Variants in NTN5 observed in about 807,000 individuals in gnomAD.
The protein encoded by NTN5 is netrin 5.
Under a neutral mutation model 38.7 loss-of-function variants are expected in NTN5, and 42 were observed. The ratio of observed to expected loss-of-function variants is 1.08; its 90% confidence interval spans 0.85 to 1.40. NTN5 has a LOEUF of 1.40. NTN5 is among the 40% of genes most tolerant of loss of function. The pLI is 0.00. For synonymous variants in NTN5, 329 were observed against 303.9 expected (o/e 1.08, Z -0.86); for missense variants, 658 against 716.5 (o/e 0.92, Z 0.93).
intron 2 of NTN5, among the ~76,000 whole-genome samples, chr19:48,666,944 C>T (rs1052208040): frequency 1.3e-5 from 2 of 151,896 alleles, no homozygotes; most frequent in African/African-American, 4.8e-5. Context: ...TGTTTTGACA[C>T]TAAGAGGTTT....
At chr19:48,669,676 T>C (rs1344513793) in intron 2 of NTN5, among the ~76,000 whole-genome samples, 12 of 78,026 alleles carry the variant, frequency 1.5e-4, no homozygotes, top group African/African-American at 2.3e-4. Context: ...ATCACCATCA[T>C]CACCACCATC....
chr19:48,670,480 A>G lies in NTN5; in HGVS notation c.507T>C (p.Arg169=). 1 of 1,475,020 alleles carries G rather than the reference A, an allele frequency of 6.8e-7. No individual in the cohort carries two copies. Among genetic ancestry groups the G allele is most frequent in the Non-Finnish European group, 9.0e-7 (1 of 1,113,294 alleles). The allele number at this position is 1,475,020 out of a possible 1,614,324, so 91.4% of individuals were successfully genotyped here. A position where few individuals can be genotyped will look rare whatever the true frequency, so the allele number is the denominator to read the frequency against. ...CHGHAARCAA[R]ARPPRCHCRH... ...GGCAGTGGCAGCGGGGGGGCCGGGC[A>G]CGGGCGGCACAGCGGGCAGCGTGGC... Residue 169 remains arginine (R), a synonymous_variant, in exon 2 of 7, where the codon CGT becomes CGC. Transcript: ENST00000270235.
intron 1 of NTN5, among the ~76,000 whole-genome samples, chr19:48,671,872 C>G (rs2031972232): frequency 6.8e-6 from 1 of 147,714 alleles, no homozygotes; most frequent in South Asian, 2.3e-4. Flanking sequence ...AGTGCAAAGC[C>G]CAGAGAGCTG....
intron 2 of NTN5, among the ~76,000 whole-genome samples, chr19:48,670,075 C>T (rs1223791418): frequency 1.3e-5 from 2 of 150,350 alleles, no homozygotes; most frequent in East Asian, 3.9e-4. Context: ...CCACCATCAT[C>T]ACCATTACCA....
chr19:48,663,491 G>A lies in NTN5; in HGVS notation c.1077C>T (p.Ser359=). 6.2e-7 allele frequency: 1 copy of A among 1,614,152 alleles called. No individual in the cohort carries two copies. Among genetic ancestry groups the A allele is most frequent in the South Asian group, 1.1e-5 (1 of 91,082 alleles). The change falls in exon 6 of 7, where the codon AGC becomes AGT. Residue 359 remains serine, a synonymous_variant. Transcript: ENST00000270235. The part of the protein sequence containing the change: ...CNMSDTRVHM[S]LRRYCQQDHV... ...GGTCCTGCTGGCAGTACCTCCGAAGGCTCATGTGTACCCTGGTGTCCGACA... is the reference window on the plus strand; with the variant it reads ...GGTCCTGCTGGCAGTACCTCCGAAGACTCATGTGTACCCTGGTGTCCGACA...
chr19:48,663,718 T>A (rs983386460), intron 5 of NTN5, 43 bp downstream of exon 5: 1 of 1,597,744 alleles, frequency 6.3e-7, no homozygotes, highest in Non-Finnish European at 8.6e-7. Context: ...CCCATCCTCA[T>A]TCCCACTTGC....
intron 1 of NTN5, 28 bp downstream of exon 1, chr19:48,672,904 A>G (rs575324680): frequency 8.3e-5 from 18 of 217,710 alleles, no homozygotes; most frequent in Non-Finnish European, 1.6e-4. Context: ...CCCCAACCCG[A>G]GCCCTGAGGC....
intron 2 of NTN5, among the ~76,000 whole-genome samples, chr19:48,669,772 T>C (rs1323867850): frequency 2.6e-3 from 137 of 53,030 alleles, no homozygotes; most frequent in Middle Eastern, 0.017. Context: ...ACCACTACCA[T>C]CACCATCACA....
Position 48,664,768 on chromosome 19 carries a change from C to T in NTN5, c.632-1G>A. 1 of 1,543,572 alleles carries T rather than the reference C, an allele frequency of 6.5e-7. No individual in the cohort carries two copies. On this transcript the variant is annotated splice_acceptor_variant, in intron 2 of 6. Coordinates refer to ENST00000270235, the MANE Select transcript of NTN5 (RefSeq NM_145807.4). LOFTEE classifies it high-confidence loss of function. Reference sequence around the variant, plus strand: ...CGGGCGTGCTGGTTGCAGGAGCAGGCTAGGAGCAAAATGGGGTGGGGGCGC... The same window carrying T: ...CGGGCGTGCTGGTTGCAGGAGCAGGTTAGGAGCAAAATGGGGTGGGGGCGC...
In NTN5 at chr19:48,670,884, G is replaced by A; in HGVS notation, c.103C>T (p.Gln35Ter). The change falls in exon 2 of 7, where the codon CAG becomes TAG. Residue 35 changes from glutamine to a stop codon, truncating the protein, a stop_gained. Coordinates refer to ENST00000270235, the MANE Select transcript of NTN5 (RefSeq NM_145807.4). LOFTEE classifies it high-confidence loss of function. ...CAGGAGGCCGCCACGGCAGCCAGCT[G>A]TGTCACTGGCGGGAGGCAGAATTGG... ...RPQFCLPPVT[Q>*]LAAVAASCPQ... 6.2e-7 allele frequency: 1 copy of A among 1,610,288 alleles called. No homozygotes were observed. Among genetic ancestry groups the A allele is most frequent in the Non-Finnish European group, 8.5e-7 (1 of 1,178,358 alleles).
rs965574411 is a variant in NTN5 at position 48,661,526 on chromosome 19, G to A, written c.*151C>T. The A allele has an allele frequency of 6.1e-6, 6 of 979,472 alleles. No homozygotes were observed. The highest frequency in any genetic ancestry group is 4.4e-5 in the Admixed American group (1 of 22,942). The allele number at this position is 979,472 out of a possible 1,614,324, so 60.7% of individuals were successfully genotyped here. A position where few individuals can be genotyped will look rare whatever the true frequency, so the allele number is the denominator to read the frequency against. On this transcript the variant is annotated 3_prime_UTR_variant, in exon 7 of 7. Coordinates refer to ENST00000270235, the MANE Select transcript of NTN5 (RefSeq NM_145807.4). ...CTTGCCGCCTTTTGCTAAAAGTTCCGCACGCCTGCTCGGCGTGGGCGCAAG... is the reference window on the plus strand; with the variant it reads ...CTTGCCGCCTTTTGCTAAAAGTTCCACACGCCTGCTCGGCGTGGGCGCAAG...
chr19:48,663,608 C>G, intron 5 of NTN5, 65 bp from the exon 6 acceptor site: 1 of 1,555,210 alleles, frequency 6.4e-7, no homozygotes, highest in Non-Finnish European at 8.9e-7. Context: ...CTGCCCCTGC[C>G]CATCCCTCCG....
intron 2 of NTN5, among the ~76,000 whole-genome samples, 167 bp downstream of exon 2, chr19:48,670,189 C>T (rs2031916955): frequency 6.6e-6 from 1 of 152,204 alleles, no homozygotes; most frequent in African/African-American, 2.4e-5. Flanking sequence ...GGCTGAGATA[C>T]AGGACTGGCT....
At chr19:48,669,585 C>CCACCAT (rs1568452281) in intron 2 of NTN5, among the ~76,000 whole-genome samples, 362 of 4,948 alleles carry the variant, frequency 0.073, 94 homozygotes, top group African/African-American at 0.32. Context: ...ATCACCACCA[C>CCACCAT]GACCACCATC....
intron 2 of NTN5, among the ~76,000 whole-genome samples, chr19:48,669,573 C>T (rs148424754): frequency 0.017 from 28 of 1,606 alleles, 8 homozygotes; most frequent in South Asian, 0.033. Flanking sequence ...ACCATCACCA[C>T]CATCACCACC....
intron 1 of NTN5, among the ~76,000 whole-genome samples, chr19:48,671,585 G>A (rs1311664824): frequency 1.1e-4 from 17 of 151,684 alleles, no homozygotes; most frequent in Non-Finnish European, 1.5e-5. Flanking sequence ...ACTGCCTGGG[G>A]GCTGGGATAG....
At position 48,661,746 on chromosome 19, in the gene NTN5, C is replaced by T; in HGVS notation, c.1401G>A (p.Gln467=). 2 of 1,525,874 alleles carry T rather than the reference C, an allele frequency of 1.3e-6. No individual in the cohort carries two copies. The highest frequency in any genetic ancestry group is 1.7e-6 in the Non-Finnish European group (2 of 1,147,290). 94.5% of individuals were successfully genotyped at this position (1,525,874 alleles called of 1,614,324 possible). The change falls in exon 7 of 7, where the codon CAG becomes CAA. Residue 467 remains glutamine, a synonymous_variant. Coordinates refer to ENST00000270235, the MANE Select transcript of NTN5 (RefSeq NM_145807.4). ...GGCAGCCTCCGGCGCGCTCCTCCTGCTGCAGCCGCTTCAGGGGCCGGGCCC... is the reference window on the plus strand; with the variant it reads ...GGCAGCCTCCGGCGCGCTCCTCCTGTTGCAGCCGCTTCAGGGGCCGGGCCC... ...PRWARPLKRL[Q]QEERAGGCRG...
chr19:48,661,684 T>C lies in NTN5; in HGVS notation c.1463A>G (p.Glu488Gly). ...VRAPTPSPRPEH is the reference protein window; with the variant it reads ...VRAPTPSPRPGH Reference sequence around the variant, plus strand: ...GGCAGCCCCATCTCACGTCTAGTGCTCCGGCCTGGGACTGGGTGTGGGTGC... The same window carrying C: ...GGCAGCCCCATCTCACGTCTAGTGCCCCGGCCTGGGACTGGGTGTGGGTGC... Residue 488 changes from glutamate (E) to glycine (G), a missense_variant, in exon 7 of 7, where the codon GAG becomes GGG. Glu to Gly is a moderately conservative substitution (Grantham distance 98, BLOSUM62 -2). Coordinates refer to ENST00000270235, the MANE Select transcript of NTN5 (RefSeq NM_145807.4). 5 of 1,549,736 alleles carry C rather than the reference T, an allele frequency of 3.2e-6. No individual in the cohort carries two copies. The highest frequency in any genetic ancestry group is 3.8e-5 in the Admixed American group (2 of 52,786).
At chr19:48,663,871 C>A in intron 4 of NTN5, 57 bp from the exon 5 acceptor site, 1 of 1,554,108 alleles carries the variant, frequency 6.4e-7, no homozygotes, top group Non-Finnish European at 8.9e-7. Context: ...ATCCCCTCGC[C>A]CCTGCCCCGG....
Sources: allele counts gnomAD v4.1 joint callset (sites outside exome capture counted in the v4.1 genomes callset), GRCh38; gene constraint gnomAD v4.1.1; transcripts MANE v1.5; gene names NCBI Gene and HGNC (gene_info 2026-07-23, HGNC 2026-07-21).